Variants in PRIM2 observed in about 807,000 individuals in gnomAD.
PRIM2 encodes DNA primase subunit 2, also known as DNA primase large subunit.
A neutral mutation model predicts 67.3 loss-of-function variants in PRIM2; 39 were observed. That is an observed-to-expected ratio of 0.58 (90% confidence interval 0.45 to 0.76). The LOEUF (loss-of-function observed/expected upper bound fraction) is 0.76. Among genes scored for constraint, PRIM2 ranks in the 30% least tolerant of loss-of-function variants. PRIM2 has a pLI of 0.00. For missense variants in PRIM2, 398 were observed against 598.7 expected (o/e 0.66, Z 3.50); for synonymous variants, 143 against 198.7 (o/e 0.72, Z 2.36).
chr6:57,576,728 T>G (rs1243340868), intron 10 of PRIM2, among the ~76,000 whole-genome samples: 5 of 151,396 alleles, frequency 3.3e-5, no homozygotes, highest in Non-Finnish European at 5.9e-5. Flanking sequence ...ATATGCTGCT[T>G]CTTTGTATTA....
chr6:57,477,435 A>G (rs1773502825), intron 7 of PRIM2, among the ~76,000 whole-genome samples: 1 of 152,248 alleles, frequency 6.6e-6, no homozygotes, highest in African/African-American at 2.4e-5. Context: ...TAATAACGTC[A>G]AATATCGTAC....
chr6:57,548,047 A>G (rs1775324499), intron 10 of PRIM2, among the ~76,000 whole-genome samples: 1 of 152,234 alleles, frequency 6.6e-6, no homozygotes, highest in Non-Finnish European at 1.5e-5. Flanking sequence ...ATCCAGATGA[A>G]ATTGATGCAC....
intron 10 of PRIM2, among the ~76,000 whole-genome samples, chr6:57,565,460 A>G (rs1775719177): frequency 1.3e-5 from 2 of 149,058 alleles, no homozygotes; most frequent in African/African-American, 2.5e-5. Context: ...GTGTAGTTCA[A>G]TCTGAGTCCA....
At chr6:57,351,287 A>T (rs1289309785) in intron 5 of PRIM2, among the ~76,000 whole-genome samples, 1 of 151,938 alleles carries the variant, frequency 6.6e-6, no homozygotes, top group Non-Finnish European at 1.5e-5. Context: ...TGTCATGTTG[A>T]TGCTCAAAAA....
chr6:57,324,784 A>T (rs1288254444), intron 4 of PRIM2, among the ~76,000 whole-genome samples: 1 of 152,072 alleles, frequency 6.6e-6, no homozygotes, highest in Non-Finnish European at 1.5e-5. Context: ...TTTCCCTCAC[A>T]TGTTAATTTT....
intron 8 of PRIM2, among the ~76,000 whole-genome samples, chr6:57,508,228 C>T (rs1774289467): frequency 6.6e-6 from 1 of 152,182 alleles, no homozygotes; most frequent in African/African-American, 2.4e-5. Flanking sequence ...TAAGCCACCG[C>T]ACCCTGCCCT....
intron 7 of PRIM2, among the ~76,000 whole-genome samples, chr6:57,415,613 A>G (rs1771236052): frequency 6.6e-6 from 1 of 152,158 alleles, no homozygotes; most frequent in African/African-American, 2.4e-5. Context: ...CTGTGGCAAT[A>G]TCTTAAAATA....
intron 5 of PRIM2, among the ~76,000 whole-genome samples, chr6:57,341,315 T>C (rs79110655): frequency 6.6e-6 from 1 of 152,236 alleles, no homozygotes; most frequent in Non-Finnish European, 1.5e-5. Flanking sequence ...TTATGCCTTA[T>C]GTTTTTGAAA....
intron 12 of PRIM2, among the ~76,000 whole-genome samples, chr6:57,606,705 C>T (rs1776568338): frequency 6.6e-6 from 1 of 152,182 alleles, no homozygotes; most frequent in South Asian, 2.1e-4. Context: ...GAAACCTTCC[C>T]CCACACCTCA....
chr6:57,339,703 A>T (rs945484391), intron 5 of PRIM2, among the ~76,000 whole-genome samples: 3 of 152,312 alleles, frequency 2.0e-5, no homozygotes, highest in South Asian at 2.1e-4. Flanking sequence ...ACAAAAATCA[A>T]TTCAAGATAG....
chr6:57,390,527 C>T (rs6935383), intron 7 of PRIM2, among the ~76,000 whole-genome samples: 6,525 of 152,022 alleles, frequency 0.043, 428 homozygotes, highest in African/African-American at 0.15. Context: ...CTTTTCTGCT[C>T]CTCTCCTTCC....
chr6:57,638,816 A>G (rs1280989547), intron 13 of PRIM2, among the ~76,000 whole-genome samples: 15 of 152,126 alleles, frequency 9.9e-5, no homozygotes, highest in Admixed American at 9.2e-4. Context: ...ATAGTGGGAG[A>G]CTTTAACACC....
intron 5 of PRIM2, among the ~76,000 whole-genome samples, chr6:57,347,534 A>G (rs1581814621): frequency 1.3e-5 from 2 of 152,028 alleles, no homozygotes; most frequent in African/African-American, 2.4e-5. Flanking sequence ...GCAGCCTTGA[A>G]CTCTTGGGCT....
intron 12 of PRIM2, among the ~76,000 whole-genome samples, chr6:57,620,102 A>G (rs1339618468): frequency 1.3e-5 from 2 of 152,176 alleles, no homozygotes; most frequent in Non-Finnish European, 2.9e-5. Context: ...AGGCTGAGGC[A>G]GGAGAATCGC....
At chr6:57,640,226 G>A (rs1777205588) in intron 13 of PRIM2, among the ~76,000 whole-genome samples, 1 of 152,004 alleles carries the variant, frequency 6.6e-6, no homozygotes, top group African/African-American at 2.4e-5. Context: ...GGTATTGATG[G>A]CACATATCTC....
intron 5 of PRIM2, among the ~76,000 whole-genome samples, chr6:57,346,339 C>T (rs1400498818): frequency 7.3e-5 from 11 of 151,370 alleles, no homozygotes; most frequent in Admixed American, 2.0e-4. Context: ...TTTTTTGAGA[C>T]GGAGTCTCAC....
chr6:57,633,972 C>T (rs1438817833), intron 13 of PRIM2, among the ~76,000 whole-genome samples: 13 of 152,164 alleles, frequency 8.5e-5, no homozygotes, highest in Non-Finnish European at 1.3e-4. Flanking sequence ...AATTTTTGAA[C>T]GCATTAGCTC....
intron 8 of PRIM2, among the ~76,000 whole-genome samples, chr6:57,520,894 C>T (rs1162531512): frequency 6.6e-6 from 1 of 152,022 alleles, no homozygotes; most frequent in Non-Finnish European, 1.5e-5. Flanking sequence ...TATGGAAACC[C>T]GTATGGTCCT....
chr6:57,423,311 G>A (rs907024529), intron 7 of PRIM2, among the ~76,000 whole-genome samples: 1 of 152,030 alleles, frequency 6.6e-6, no homozygotes, highest in Non-Finnish European at 1.5e-5. Context: ...ATTCTTCAAA[G>A]AAGCATATAT....
Sources: allele counts gnomAD v4.1 joint callset (sites outside exome capture counted in the v4.1 genomes callset), GRCh38; gene constraint gnomAD v4.1.1; transcripts MANE v1.5; gene names NCBI Gene and HGNC (gene_info 2026-07-23, HGNC 2026-07-21).